LMO7: variants seen among roughly 807,000 people sequenced by gnomAD.
The protein encoded by LMO7 is LIM domain 7.
In LMO7, 120 loss-of-function variants were observed where a neutral mutation model predicts 206.5. The ratio of observed to expected loss-of-function variants is 0.58; its 90% CI spans 0.50 to 0.68. The LOEUF is 0.68. Ranked by LOEUF, LMO7 falls within the 30% of genes least tolerant of loss-of-function variation. The pLI, the probability that LMO7 is intolerant of heterozygous loss-of-function variation, is 0.00. For synonymous variants in LMO7, 706 were observed against 681.5 expected (o/e 1.04, Z -0.56); for missense variants, 1,959 against 1,957.9 (o/e 1.00, Z -0.01).
intron 3 of LMO7, among the ~76,000 whole-genome samples, chr13:75,739,079 G>A (rs74474873): frequency 0.047 from 7,144 of 152,236 alleles, 417 homozygotes; most frequent in African/African-American, 0.13. Context: ...GAAATTGCCA[G>A]TGACTCCCAT....
At chr13:75,830,319 C>G (rs1274283688) in intron 15 of LMO7, among the ~76,000 whole-genome samples, 1 of 152,174 alleles carries the variant, frequency 6.6e-6, no homozygotes, top group Non-Finnish European at 1.5e-5. Flanking sequence ...CTCTGGAACT[C>G]TTACTTTGAA....
intron 4 of LMO7, among the ~76,000 whole-genome samples, chr13:75,786,631 C>T (rs981127090): frequency 5.3e-5 from 8 of 152,096 alleles, no homozygotes; most frequent in Middle Eastern, 3.4e-3. Flanking sequence ...ATGATCTGCC[C>T]GCCTCGGCCT....
chr13:75,632,171 G>C (rs2035035622), upstream of LMO7: 1 of 152,150 alleles, frequency 6.6e-6, no homozygotes, highest in South Asian at 2.1e-4. Flanking sequence ...TCCTAAGGCA[G>C]GTGCTGTACC....
chr13:75,765,093 CTG>C (rs1254426521), intron 4 of LMO7, among the ~76,000 whole-genome samples: 1 of 152,130 alleles, frequency 6.6e-6, no homozygotes, highest in Admixed American at 6.6e-5. Context: ...AAGGATGTAA[CTG>C]TTCGCTAAAG....
At chr13:75,685,890 C>CTTTTTTTT (rs551370410) in intron 1 of LMO7, among the ~76,000 whole-genome samples, 1 of 105,962 alleles carries the variant, frequency 9.4e-6, no homozygotes, top group Non-Finnish European at 1.9e-5. Flanking sequence ...TTTTCTTTCT[C>CTTTTTTTT]TTTTTTTTTT....
chr13:75,850,465 AT>A (rs913864400), intron 27 of LMO7, among the ~76,000 whole-genome samples: 3 of 152,238 alleles, frequency 2.0e-5, no homozygotes, highest in Admixed American at 2.0e-4. Flanking sequence ...TTATTCATTA[AT>A]GGCAAAAGAA....
At chr13:75,647,067 GT>G (rs35529765) in intron 1 of LMO7, among the ~76,000 whole-genome samples, 4 of 34,592 alleles carry the variant, frequency 1.2e-4, no homozygotes, top group Non-Finnish European at 2.0e-4. Flanking sequence ...ATATACATAG[GT>G]GTGTGTGTGT....
At chr13:75,666,433 C>A (rs951086683) in intron 1 of LMO7, among the ~76,000 whole-genome samples, 1 of 152,196 alleles carries the variant, frequency 6.6e-6, no homozygotes, top group African/African-American at 2.4e-5. Flanking sequence ...TAGTAGAAAT[C>A]TTCCTAAAGT....
chr13:75,824,177 T>G (rs1169707330), intron 15 of LMO7, among the ~76,000 whole-genome samples: 1 of 152,156 alleles, frequency 6.6e-6, no homozygotes, highest in East Asian at 1.9e-4. Flanking sequence ...CTGCTAGTGC[T>G]ATAGTCCCAG....
intron 1 of LMO7, among the ~76,000 whole-genome samples, chr13:75,647,951 C>CTTTCTTTTTTTTTTTTTTT (rs1555286938): frequency 5.5e-5 from 5 of 91,128 alleles, no homozygotes; most frequent in Admixed American, 1.6e-4. Flanking sequence ...TCTTTTCTTT[C>CTTTCTTTTTTTTTTTTTTT]TTTTTTTTTT....
rs143014047 is a variant in LMO7 at position 75,672,324 on chromosome 13, C to G, written c.69+35598C>G. On this transcript the variant is annotated intron_variant, in intron 1 of 30. Coordinates refer to ENST00000377534, the MANE Select transcript of LMO7 (RefSeq NM_001306080.2). Reference sequence around the variant, plus strand: ...TGGCACAATCTCCACTCACCACAACCTCTGCCTCCCGGGTTCAAGCAATTC... The same window carrying G: ...TGGCACAATCTCCACTCACCACAACGTCTGCCTCCCGGGTTCAAGCAATTC... 1.1e-4 allele frequency among the ~76,000 whole-genome samples: 16 copies of G among 151,606 alleles called. No individual in the cohort carries two copies. The East Asian group carries it at 3.1e-3, about 29-fold the overall frequency.
chr13:75,807,411 G>T (rs751382744), intron 9 of LMO7, 69 bp from the exon 10 acceptor site: 3 of 1,519,362 alleles, frequency 2.0e-6, no homozygotes, highest in Non-Finnish European at 2.7e-6. Context: ...TTGGCTAGTC[G>T]ATCTGCTAAT....
intron 4 of LMO7, among the ~76,000 whole-genome samples, chr13:75,781,225 C>A (rs1426019234): frequency 6.7e-6 from 1 of 148,416 alleles, no homozygotes; most frequent in Non-Finnish European, 1.5e-5. Context: ...GTGCTGCACC[C>A]ACTAACTCGT....
intron 18 of LMO7, 100 bp downstream of exon 18, chr13:75,835,439 G>A: frequency 1.5e-6 from 1 of 676,178 alleles, no homozygotes; most frequent in South Asian, 2.6e-5. Flanking sequence ...CAATTTTGAT[G>A]CTAACTTTAA....
intron 21 of LMO7, 129 bp from the exon 22 acceptor site, chr13:75,840,262 C>T: frequency 1.5e-6 from 2 of 1,368,336 alleles, no homozygotes; most frequent in Non-Finnish European, 2.1e-6. Context: ...AATTCAAAGC[C>T]AGCTCTCCCT....
At chr13:75,804,191 C>T in intron 7 of LMO7, 98 bp from the exon 8 acceptor site, 1 of 1,253,026 alleles carries the variant, frequency 8.0e-7, no homozygotes, top group Middle Eastern at 1.9e-4. Context: ...AGTGGCAGCA[C>T]TGGGTTTCTA....
intron 2 of LMO7, among the ~76,000 whole-genome samples, chr13:75,721,037 G>A (rs561516274): frequency 2.6e-5 from 4 of 152,036 alleles, no homozygotes; most frequent in Non-Finnish European, 4.4e-5. Flanking sequence ...TAAAATTTTA[G>A]TAAGGCATTT....
chr13:75,695,827 A>G (rs779197299), intron 1 of LMO7, among the ~76,000 whole-genome samples: 1 of 152,232 alleles, frequency 6.6e-6, no homozygotes, highest in Non-Finnish European at 1.5e-5. Context: ...CTGACAGACT[A>G]GTGGTGTTAT....
intron 27 of LMO7, among the ~76,000 whole-genome samples, chr13:75,851,797 T>G (rs902663960): frequency 2.6e-5 from 4 of 152,198 alleles, no homozygotes; most frequent in Non-Finnish European, 5.9e-5. Context: ...GATAAATGCT[T>G]TTATAATGTG....
Sources: gnomAD v4.1 joint callset for allele counts (sites outside exome capture counted in the v4.1 genomes callset) on GRCh38, gnomAD v4.1.1 for gene constraint, MANE v1.5 for transcripts, NCBI Gene and HGNC (gene_info 2026-07-23, HGNC 2026-07-21) for gene names.